Variants in MTMR7 observed in about 807,000 individuals in gnomAD.
MTMR7 encodes phosphatidylinositol-3-phosphate phosphatase MTMR7.
In MTMR7, 76 loss-of-function variants were observed where a neutral mutation model predicts 81.2. The ratio of observed to expected loss-of-function variants is 0.94; its 90% CI spans 0.78 to 1.13. The LOEUF (loss-of-function observed/expected upper bound fraction) is 1.13, where lower values mean the gene tolerates loss of function less well. MTMR7 is among the 50% of genes most tolerant of loss of function. The pLI is 0.00. For missense variants in MTMR7, 1,044 were observed against 820.0 expected (o/e 1.27, Z -3.34); for synonymous variants, 372 against 289.8 (o/e 1.28, Z -2.88).
chr8:17,322,124 T>C (rs1355761775), intron 7 of MTMR7, among the ~76,000 whole-genome samples: 3 of 119,476 alleles, frequency 2.5e-5, no homozygotes, highest in Non-Finnish European at 4.8e-5. Context: ...AGCACTTGTC[T>C]GAGTTCTGCC....
intron 5 of MTMR7, among the ~76,000 whole-genome samples, chr8:17,342,590 G>A (rs1245556074): frequency 2.6e-5 from 4 of 152,164 alleles, no homozygotes; most frequent in Non-Finnish European, 5.9e-5. Context: ...AAGGGCTTGG[G>A]TGCTCCTTGT....
At chr8:17,398,918 G>A (rs997350944) in intron 1 of MTMR7, among the ~76,000 whole-genome samples, 4 of 152,256 alleles carry the variant, frequency 2.6e-5, no homozygotes, top group African/African-American at 9.6e-5. Context: ...TTAAAATAAT[G>A]GATGATAGTA....
At chr8:17,378,082 G>C (rs989978096) in intron 1 of MTMR7, among the ~76,000 whole-genome samples, 13 of 152,152 alleles carry the variant, frequency 8.5e-5, no homozygotes, top group African/African-American at 3.1e-4. Flanking sequence ...GATGTTGAGA[G>C]ATTAGAATAC....
chr8:17,387,812 T>A (rs941070493), intron 1 of MTMR7, among the ~76,000 whole-genome samples: 16 of 152,202 alleles, frequency 1.1e-4, no homozygotes, highest in Admixed American at 2.6e-4. Context: ...CCTATTCAGA[T>A]AAGGATTATT....
intron 10 of MTMR7, among the ~76,000 whole-genome samples, chr8:17,308,891 T>C (rs1182146907): frequency 6.6e-6 from 1 of 152,216 alleles, no homozygotes; most frequent in African/African-American, 2.4e-5. Context: ...CTTAGGACTA[T>C]AGAAGATCAA....
At chr8:17,387,594 G>C (rs985296334) in intron 1 of MTMR7, among the ~76,000 whole-genome samples, 3 of 152,222 alleles carry the variant, frequency 2.0e-5, no homozygotes, top group African/African-American at 7.2e-5. Context: ...GGTGTCCCAA[G>C]TGAAGAATGT....
chr8:17,330,040 A>G (rs933326713), intron 7 of MTMR7, among the ~76,000 whole-genome samples: 4 of 152,216 alleles, frequency 2.6e-5, no homozygotes, highest in Non-Finnish European at 5.9e-5. Context: ...TGCAGCAGGT[A>G]ATGCAGCCCC....
intron 7 of MTMR7, among the ~76,000 whole-genome samples, chr8:17,330,890 T>C (rs1353608547): frequency 2.6e-5 from 4 of 152,182 alleles, no homozygotes; most frequent in African/African-American, 9.7e-5. Context: ...AACAAAAACA[T>C]CCCTGTGCAC....
At chr8:17,360,405 T>C (rs1820022405) in intron 4 of MTMR7, among the ~76,000 whole-genome samples, 4 of 151,760 alleles carry the variant, frequency 2.6e-5, no homozygotes, top group South Asian at 2.1e-4. Flanking sequence ...TATCAAACTA[T>C]ACAGATGAGA....
rs139002520 is a variant in MTMR7, at chr8:17,341,435, C to A, written c.660G>T (p.Glu220Asp). The part of the protein sequence containing the change: ...SGFSARCLED[E>D]QMLQAIRKAN... ...CTTTCCTAATGGCCTGGAGCATCTG[C>A]TCGTCCTCTAGGCACCGGGCACTGA... The change falls in exon 6 of 14, where the codon GAG (glutamate) becomes GAT (aspartate). Residue 220 changes from glutamate to aspartate, a missense_variant. Glu to Asp is a conservative substitution (Grantham distance 45). Transcript: ENST00000180173. 1 of 1,614,204 alleles carries A rather than the reference C, an allele frequency of 6.2e-7. No individual in the cohort carries two copies. Among genetic ancestry groups the A allele is most frequent in the Non-Finnish European group, 8.5e-7 (1 of 1,180,036 alleles).
At position 17,371,193 on chromosome 8, in the gene MTMR7, G is replaced by A. The variant is rs965963399; in HGVS notation, c.154C>T (p.His52Tyr). The change falls in exon 3 of 14, where the codon CAC becomes TAC. Residue 52 changes from histidine to tyrosine, a missense_variant. Transcript: ENST00000180173. ...PDPRKETWILHSQISTIEKQA... is the reference protein window; with the variant it reads ...PDPRKETWILYSQISTIEKQA... ...TTCTCAATGGTGGAAATCTGACTGT[G>A]AAGAATCTAGAACCAAATGTTAATG... is the stretch of plus-strand genomic sequence containing the variant. 6.2e-7 allele frequency: 1 copy of A among 1,613,980 alleles called. No homozygotes were observed. Among genetic ancestry groups the A allele is most frequent in the Non-Finnish European group, 8.5e-7 (1 of 1,179,960 alleles).
chr8:17,390,415 C>T (rs1052137589), intron 1 of MTMR7, among the ~76,000 whole-genome samples: 2 of 152,062 alleles, frequency 1.3e-5, no homozygotes, highest in Non-Finnish European at 2.9e-5. Flanking sequence ...ATATGAAATC[C>T]ACCCCCATCA....
At chr8:17,321,498 G>A (rs973174333) in intron 7 of MTMR7, among the ~76,000 whole-genome samples, 7 of 152,228 alleles carry the variant, frequency 4.6e-5, no homozygotes, top group African/African-American at 1.7e-4. Context: ...CTTCCCCTGT[G>A]TGCTGAGTGG....
chr8:17,319,745 C>T (rs11782984), intron 7 of MTMR7, among the ~76,000 whole-genome samples: 17,055 of 152,158 alleles, frequency 0.11, 1,253 homozygotes, highest in East Asian at 0.29. Context: ...CTGATGGATA[C>T]GTGGTGAGAC....
At chr8:17,384,238 C>A (rs1356864136) in intron 1 of MTMR7, among the ~76,000 whole-genome samples, 1 of 151,972 alleles carries the variant, frequency 6.6e-6, no homozygotes, top group Non-Finnish European at 1.5e-5. Flanking sequence ...AGATGAGATC[C>A]CCATCTCTAC....
chr8:17,409,108 T>C (rs1821672924), intron 1 of MTMR7, among the ~76,000 whole-genome samples: 1 of 152,200 alleles, frequency 6.6e-6, no homozygotes, highest in Admixed American at 6.5e-5. Flanking sequence ...TCAAGTAGTA[T>C]TGTATACAAC....
intron 1 of MTMR7, among the ~76,000 whole-genome samples, chr8:17,393,618 T>C (rs989220660): frequency 1.4e-4 from 22 of 152,180 alleles, no homozygotes; most frequent in African/African-American, 5.3e-4. Context: ...AAACATTGCA[T>C]GTTTTCACTT....
chr8:17,382,036 T>G lies in MTMR7; in HGVS notation c.25-8796A>C, dbSNP rs551569286. On this transcript the variant is annotated intron_variant, in intron 1 of 13. Coordinates refer to ENST00000180173, the MANE Select transcript of MTMR7 (RefSeq NM_004686.5). ...ACCCAGTGGTACTTCATAGACTACC[T>G]ACGAGGATACAAAATGGCAACAGTG... Among the ~76,000 whole-genome samples the G allele has an allele frequency of 2.6e-5, 4 of 152,288 alleles. No individual in the cohort carries two copies. The East Asian group carries it at 7.7e-4, about 29-fold the overall frequency.
At chr8:17,359,876 T>G (rs759478710) in intron 4 of MTMR7, among the ~76,000 whole-genome samples, 2 of 152,182 alleles carry the variant, frequency 1.3e-5, no homozygotes, top group Non-Finnish European at 2.9e-5. Flanking sequence ...TGGTACAACC[T>G]TTCCACAATT....
Sources: allele counts gnomAD v4.1 joint callset (sites outside exome capture counted in the v4.1 genomes callset), GRCh38; gene constraint gnomAD v4.1.1; transcripts MANE v1.5; gene names NCBI Gene and HGNC (gene_info 2026-07-23, HGNC 2026-07-21).